CA10: variants seen among roughly 807,000 people sequenced by gnomAD.
CA10 encodes the protein carbonic anhydrase 10 (inactive).
In CA10, 14 loss-of-function variants were observed where a neutral mutation model predicts 44.2. That is an observed-to-expected ratio of 0.32 (90% confidence interval 0.21 to 0.50). CA10 has a LOEUF of 0.50. CA10 is among the 20% of genes least tolerant of loss of function. CA10 has a pLI of 0.99. For missense variants in CA10, 350 were observed against 409.7 expected (o/e 0.85, Z 1.26); for synonymous variants, 159 against 141.6 (o/e 1.12, Z -0.87).
At chr17:51,710,358 C>T (rs1416713780) in intron 4 of CA10, among the ~76,000 whole-genome samples, 3 of 152,066 alleles carry the variant, frequency 2.0e-5, no homozygotes, top group Non-Finnish European at 4.4e-5. Context: ...GTCTCAGGTG[C>T]CTACAGGCTG....
At chr17:51,775,174 A>C (rs1234908950) in intron 3 of CA10, among the ~76,000 whole-genome samples, 2 of 152,192 alleles carry the variant, frequency 1.3e-5, no homozygotes, top group Non-Finnish European at 2.9e-5. Context: ...GCTCAGTGCC[A>C]TGCTATCTGC....
chr17:52,106,490 C>T (rs547087019), intron 1 of CA10, among the ~76,000 whole-genome samples: 10 of 152,220 alleles, frequency 6.6e-5, no homozygotes, highest in African/African-American at 1.9e-4. Context: ...TATAGCTTTT[C>T]GTTGTTGTTA....
At position 52,014,679 on chromosome 17, in the gene CA10, G is replaced by A. The variant is rs183029072; in HGVS notation, c.136+57640C>T. 7.4e-4 allele frequency among the ~76,000 whole-genome samples: 112 copies of A among 151,948 alleles called. 1 individual carries two copies. Among genetic ancestry groups the A allele is most frequent in the Non-Finnish European group, 1.4e-3 (96 of 67,916 alleles). On this transcript the variant is annotated intron_variant, in intron 2 of 8. Coordinates refer to ENST00000451037, the MANE Select transcript of CA10 (RefSeq NM_020178.5). ...AAGCAAAGTTAAATGCCTGAGACTG[G>A]GAGAAGATATTTGCTGGGCACATAA...
intron 1 of CA10, among the ~76,000 whole-genome samples, chr17:52,139,370 G>A (rs1989427791): frequency 6.6e-6 from 1 of 151,750 alleles, no homozygotes; most frequent in Non-Finnish European, 1.5e-5. Flanking sequence ...ACTGCTTTTT[G>A]CCTACTGCCT....
chr17:51,724,039 G>A (rs1011591024), intron 4 of CA10, among the ~76,000 whole-genome samples: 1 of 152,194 alleles, frequency 6.6e-6, no homozygotes, highest in African/African-American at 2.4e-5. Flanking sequence ...TAGTAATCAG[G>A]AGGATGAGGG....
At chr17:51,751,226 T>C (rs150155084) in intron 3 of CA10, among the ~76,000 whole-genome samples, 126 of 152,236 alleles carry the variant, frequency 8.3e-4, no homozygotes, top group African/African-American at 2.7e-3. Flanking sequence ...GCCAAAATCA[T>C]AGAAACAGAA....
intron 2 of CA10, among the ~76,000 whole-genome samples, chr17:52,055,346 GAA>G (rs10719126): frequency 3.1e-3 from 383 of 122,784 alleles, no homozygotes; most frequent in African/African-American, 6.7e-3. Flanking sequence ...TCCTTCTGGT[GAA>G]AAAAAAAAAA....
At chr17:51,829,186 C>T (rs553513134) in intron 3 of CA10, among the ~76,000 whole-genome samples, 4 of 152,336 alleles carry the variant, frequency 2.6e-5, no homozygotes, top group South Asian at 4.1e-4. Context: ...AAAACGTTTG[C>T]CAATCCTTGC....
At chr17:51,679,872 G>GA (rs1386821237) in intron 4 of CA10, among the ~76,000 whole-genome samples, 2 of 152,102 alleles carry the variant, frequency 1.3e-5, no homozygotes, top group East Asian at 3.8e-4. Flanking sequence ...AAATGGTTGG[G>GA]AAAAAACTCA....
chr17:51,705,874 C>G (rs1915748421), intron 4 of CA10, among the ~76,000 whole-genome samples: 2 of 152,236 alleles, frequency 1.3e-5, no homozygotes, highest in South Asian at 4.2e-4. Flanking sequence ...CCAGGGGTCT[C>G]TGCCACTGTG....
At chr17:51,707,671 A>ATGTGTGTGTGTGTGTGTGTGTG (rs3031847) in intron 4 of CA10, among the ~76,000 whole-genome samples, 353 of 142,978 alleles carry the variant, frequency 2.5e-3, no homozygotes, top group East Asian at 0.014. Flanking sequence ...GTGGATGAAT[A>ATGTGTGTGTGTGTGTGTGTGTG]TGTGTGTGTG....
intron 1 of CA10, among the ~76,000 whole-genome samples, chr17:52,077,013 T>A (rs149877714): frequency 6.6e-6 from 1 of 152,362 alleles, no homozygotes; most frequent in Non-Finnish European, 1.5e-5. Context: ...TTGTCATCAC[T>A]GCCAGAGGAA....
chr17:51,720,342 A>C (rs1486661786), intron 4 of CA10, among the ~76,000 whole-genome samples: 1 of 152,184 alleles, frequency 6.6e-6, no homozygotes, highest in African/African-American at 2.4e-5. Context: ...TTTGTTATTC[A>C]TAATGAACAC....
intron 3 of CA10, among the ~76,000 whole-genome samples, chr17:51,771,979 C>T (rs1424774758): frequency 6.6e-6 from 1 of 152,162 alleles, no homozygotes. Context: ...CATCTGTGGC[C>T]ACGTGCTCTG....
chr17:51,737,772 C>A (rs1916960999), intron 4 of CA10, among the ~76,000 whole-genome samples: 1 of 152,120 alleles, frequency 6.6e-6, no homozygotes, highest in Admixed American at 6.6e-5. Context: ...CCTACAGCCC[C>A]CCTTCCAGGC....
chr17:51,723,751 C>A (rs1331147437), intron 4 of CA10, among the ~76,000 whole-genome samples: 1 of 152,198 alleles, frequency 6.6e-6, no homozygotes, highest in African/African-American at 2.4e-5. Flanking sequence ...TTCATGTCTG[C>A]TGCATGCGCT....
At chr17:52,158,715 A>T (rs1249107232), upstream of CA10, 1 of 152,676 alleles carries the variant, frequency 6.5e-6, no homozygotes, top group East Asian at 1.9e-4. Flanking sequence ...TCCGCAATAC[A>T]ACTGCAGGGG....
chr17:51,723,275 G>A (rs1014870257), intron 4 of CA10, among the ~76,000 whole-genome samples: 1 of 152,198 alleles, frequency 6.6e-6, no homozygotes, highest in Non-Finnish European at 1.5e-5. Flanking sequence ...GTGACAGGGA[G>A]GATCAAGGTT....
intron 6 of CA10, among the ~76,000 whole-genome samples, chr17:51,641,725 A>G (rs1211246379): frequency 6.6e-6 from 1 of 152,114 alleles, no homozygotes; most frequent in Non-Finnish European, 1.5e-5. Flanking sequence ...GGAGACGTAC[A>G]CTATGATAAA....
Sources: gnomAD v4.1 joint callset for allele counts (sites outside exome capture counted in the v4.1 genomes callset) on GRCh38, gnomAD v4.1.1 for gene constraint, MANE v1.5 for transcripts, NCBI Gene and HGNC (gene_info 2026-07-23, HGNC 2026-07-21) for gene names.